Variants in PRMT3 observed in about 807,000 individuals in gnomAD.
The protein encoded by PRMT3 is protein arginine N-methyltransferase 3.
A neutral mutation model predicts 71.9 loss-of-function variants in PRMT3; 62 were observed. The ratio of observed to expected loss-of-function variants is 0.86; its 90% CI spans 0.70 to 1.07. The LOEUF (loss-of-function observed/expected upper bound fraction) is 1.07, where lower values mean the gene tolerates loss of function less well. Among genes scored for constraint, PRMT3 ranks in the 50% least tolerant of loss-of-function variants. The probability of loss-of-function intolerance (pLI) is 0.00; values close to 1 mark genes in which losing one functional copy is unlikely to be tolerated. For missense variants in PRMT3, 663 were observed against 643.0 expected (o/e 1.03, Z -0.34); for synonymous variants, 213 against 220.4 (o/e 0.97, Z 0.30).
intron 13 of PRMT3, among the ~76,000 whole-genome samples, chr11:20,466,108 T>A (rs937514597): frequency 1.3e-5 from 2 of 152,178 alleles, no homozygotes; most frequent in African/African-American, 4.8e-5. Flanking sequence ...TCTAGAAAAG[T>A]TTATTGACTT....
At chr11:20,415,447 A>G (rs1424455417) in intron 9 of PRMT3, among the ~76,000 whole-genome samples, 1 of 152,180 alleles carries the variant, frequency 6.6e-6, no homozygotes, top group Non-Finnish European at 1.5e-5. Context: ...AGCTAGGATT[A>G]CAGAAAAGGG....
At chr11:20,491,529 A>G (rs1027502775) in intron 13 of PRMT3, among the ~76,000 whole-genome samples, 3 of 152,194 alleles carry the variant, frequency 2.0e-5, no homozygotes, top group African/African-American at 7.2e-5. Flanking sequence ...GTCCGAGCAG[A>G]CAGTTGACCA....
chr11:20,504,743 A>C (rs866354880), intron 15 of PRMT3, among the ~76,000 whole-genome samples: 5 of 145,594 alleles, frequency 3.4e-5, no homozygotes, highest in East Asian at 4.1e-4. Context: ...AGAGAGAGAG[A>C]GAGCGAGAGC....
chr11:20,405,312 A>G (rs1849045473), intron 8 of PRMT3: 1 of 152,152 alleles, frequency 6.6e-6, no homozygotes, highest in Non-Finnish European at 1.5e-5. Flanking sequence ...TACAGTTAAA[A>G]TTCATTCAGT....
intron 10 of PRMT3, among the ~76,000 whole-genome samples, chr11:20,441,573 C>CTGGGATTACAGGCTTGAT (rs1319484207): frequency 6.6e-6 from 1 of 151,810 alleles, no homozygotes; most frequent in Non-Finnish European, 1.5e-5. Flanking sequence ...TCCCAAAGTG[C>CTGGGATTACAGGCTTGAT]TGGGATTACA....
intron 13 of PRMT3, among the ~76,000 whole-genome samples, chr11:20,478,180 G>T (rs1850842274): frequency 6.6e-6 from 1 of 152,166 alleles, no homozygotes; most frequent in South Asian, 2.1e-4. Flanking sequence ...AGTCAGTCTA[G>T]TGTTTTCTTT....
chr11:20,449,143 C>A (rs377201715), intron 10 of PRMT3, among the ~76,000 whole-genome samples: 1 of 152,114 alleles, frequency 6.6e-6, no homozygotes, highest in Non-Finnish European at 1.5e-5. Flanking sequence ...ATTAGCAATA[C>A]GTATGTGAAT....
At chr11:20,458,076 T>G (rs942585664) in intron 11 of PRMT3, among the ~76,000 whole-genome samples, 5 of 152,184 alleles carry the variant, frequency 3.3e-5, no homozygotes, top group Non-Finnish European at 5.9e-5. Context: ...TAAAGCTCAT[T>G]TAATTCCCAT....
chr11:20,388,228 T>C, intron 2 of PRMT3, 74 bp downstream of exon 2: 1 of 1,597,216 alleles, frequency 6.3e-7, no homozygotes, highest in Non-Finnish European at 8.6e-7. Context: ...CAGGAACGCC[T>C]TCGGGCGGGA....
chr11:20,476,570 A>C (rs2133425771), intron 13 of PRMT3, among the ~76,000 whole-genome samples: 1 of 152,264 alleles, frequency 6.6e-6, no homozygotes, highest in African/African-American at 2.4e-5. Flanking sequence ...CCCCTCCCAA[A>C]CCCAAAATAA....
At chr11:20,409,654 A>ACACACAC (rs1555008187) in intron 9 of PRMT3, among the ~76,000 whole-genome samples, 10 of 144,238 alleles carry the variant, frequency 6.9e-5, no homozygotes, top group Non-Finnish European at 1.2e-4. Context: ...GGAATACACA[A>ACACACAC]ACACACACAC....
At chr11:20,486,307 G>A (rs974993808) in intron 13 of PRMT3, among the ~76,000 whole-genome samples, 5 of 152,014 alleles carry the variant, frequency 3.3e-5, no homozygotes, top group African/African-American at 7.2e-5. Flanking sequence ...TAAATTTTTT[G>A]GTATGTGAAT....
At chr11:20,409,530 G>C (rs1451885433) in intron 9 of PRMT3, among the ~76,000 whole-genome samples, 1 of 152,064 alleles carries the variant, frequency 6.6e-6, no homozygotes, top group African/African-American at 2.4e-5. Flanking sequence ...TAAATATTTG[G>C]AGCGTTAGCT....
rs1437388234 is a variant in PRMT3, at chr11:20,452,211, G to A, written c.1072+3G>A. 3.1e-6 allele frequency: 5 copies of A among 1,594,174 alleles called. No individual in the cohort carries two copies. Among genetic ancestry groups the A allele is most frequent in the Non-Finnish European group, 4.3e-6 (5 of 1,162,530 alleles). On this transcript the variant is annotated splice_donor_region_variant and intron_variant, in intron 11 of 15. Coordinates refer to ENST00000331079, the MANE Select transcript of PRMT3 (RefSeq NM_005788.4). ...ATACTTGGCAAAAGGAGGCTCGGGT[G>A]AGTATAAAATTCTGGTTTTAATAAT...
intron 13 of PRMT3, among the ~76,000 whole-genome samples, chr11:20,465,131 G>A (rs911154696): frequency 3.3e-5 from 5 of 152,106 alleles, no homozygotes; most frequent in Admixed American, 2.0e-4. Flanking sequence ...AAGAAAAATG[G>A]GGATAATTCT....
intron 9 of PRMT3, among the ~76,000 whole-genome samples, chr11:20,423,120 A>T (rs972384417): frequency 6.6e-6 from 1 of 152,172 alleles, no homozygotes; most frequent in Non-Finnish European, 1.5e-5. Flanking sequence ...TGTGAGTTAG[A>T]TTTGACACTC....
intron 11 of PRMT3, among the ~76,000 whole-genome samples, chr11:20,453,336 A>AC (rs1380309242): frequency 1.3e-5 from 2 of 151,532 alleles, no homozygotes; most frequent in African/African-American, 4.9e-5. Flanking sequence ...AAAAAAAAAA[A>AC]AAAATCCAAA....
At chr11:20,494,384 G>T in intron 15 of PRMT3, 130 bp downstream of exon 15, 1 of 797,516 alleles carries the variant, frequency 1.3e-6, no homozygotes, top group Non-Finnish European at 2.0e-6. Context: ...TCTCACCCAG[G>T]CTGGAGAACA....
At position 20,430,183 on chromosome 11, in the gene PRMT3, C is replaced by G. The variant is rs148729091; in HGVS notation, c.993+3318C>G. ...TTTTACATACAACATAATAAAGATG[C>G]AAAAATCTAGAATGAACCATAGTTA... On this transcript the variant is annotated intron_variant, in intron 10 of 15. Coordinates refer to ENST00000331079, the MANE Select transcript of PRMT3 (RefSeq NM_005788.4). Among the ~76,000 whole-genome samples, 71 of 152,146 alleles carry G rather than the reference C, an allele frequency of 4.7e-4. No individual in the cohort carries two copies. In the East Asian group the frequency reaches 0.013, roughly 29 times the overall value.
Sources: allele counts gnomAD v4.1 joint callset (sites outside exome capture counted in the v4.1 genomes callset), GRCh38; gene constraint gnomAD v4.1.1; transcripts MANE v1.5; gene names NCBI Gene and HGNC (gene_info 2026-07-23, HGNC 2026-07-21).